Variants in TCERG1L observed in about 807,000 individuals in gnomAD.
TCERG1L encodes the protein transcription elongation regulator 1-like protein.
TCERG1L carries 37 observed loss-of-function variants against 56.3 expected under a neutral mutation model. The observed-to-expected ratio is 0.66, with a 90% confidence interval of 0.51 to 0.87. The LOEUF (loss-of-function observed/expected upper bound fraction) is 0.87. Among genes scored for constraint, TCERG1L ranks in the 40% least tolerant of loss-of-function variants. TCERG1L has a pLI of 0.00. For synonymous variants in TCERG1L, 324 were observed against 326.3 expected, an observed-to-expected ratio of 0.99 and a Z score of 0.08; for missense variants, 799 against 774.2, an observed-to-expected ratio of 1.03 and a Z score of -0.38.
intron 4 of TCERG1L, among the ~76,000 whole-genome samples, chr10:131,196,464 A>G (rs1298635646): frequency 6.6e-6 from 1 of 152,220 alleles, no homozygotes; most frequent in Non-Finnish European, 1.5e-5. Context: ...CCACGCTGAC[A>G]CTCACAGCCA....
intron 4 of TCERG1L, among the ~76,000 whole-genome samples, chr10:131,249,581 T>C (rs893931116): frequency 2.6e-5 from 4 of 152,210 alleles, no homozygotes; most frequent in African/African-American, 9.6e-5. Flanking sequence ...GTTTCTTTCT[T>C]TTTTGTTGTA....
chr10:131,296,328 A>C (rs1846689685), intron 3 of TCERG1L, among the ~76,000 whole-genome samples: 1 of 152,224 alleles, frequency 6.6e-6, no homozygotes, highest in African/African-American at 2.4e-5. Context: ...GCTTATTTTG[A>C]AGACAGACAG....
chr10:131,112,917 G>A (rs12413687), intron 9 of TCERG1L, among the ~76,000 whole-genome samples: 1 of 142,192 alleles, frequency 7.0e-6, no homozygotes, highest in Non-Finnish European at 1.6e-5. Context: ...GGTCGCCCTT[G>A]GGGTGTTCAA....
At chr10:131,105,641 G>A (rs1399283272) in intron 9 of TCERG1L, among the ~76,000 whole-genome samples, 2 of 152,066 alleles carry the variant, frequency 1.3e-5, no homozygotes, top group Non-Finnish European at 2.9e-5. Flanking sequence ...TATTTATATT[G>A]CTATGGACTC....
At chr10:131,133,828 G>A (rs1160558545) in intron 8 of TCERG1L, among the ~76,000 whole-genome samples, 1 of 152,178 alleles carries the variant, frequency 6.6e-6, no homozygotes, top group Non-Finnish European at 1.5e-5. Context: ...CCAGCGACTT[G>A]GAAGGAGAGC....
intron 4 of TCERG1L, among the ~76,000 whole-genome samples, chr10:131,206,098 C>T (rs1414014428): frequency 6.6e-6 from 1 of 152,238 alleles, no homozygotes. Flanking sequence ...TCAGGATTCC[C>T]AGGCGGGAGA....
intron 4 of TCERG1L, among the ~76,000 whole-genome samples, chr10:131,189,437 C>T (rs528349218): frequency 6.6e-6 from 1 of 152,170 alleles, no homozygotes; most frequent in African/African-American, 2.4e-5. Flanking sequence ...GTATCTGACC[C>T]GCAGTGTCTG....
At chr10:131,163,955 C>CG (rs1846004416) in intron 5 of TCERG1L, 1 of 151,968 alleles carries the variant, frequency 6.6e-6, no homozygotes, top group Admixed American at 6.5e-5. Flanking sequence ...TGGTGAAACC[C>CG]CATCTCTACT....
intron 9 of TCERG1L, among the ~76,000 whole-genome samples, chr10:131,111,887 G>T (rs1032543701): frequency 7.0e-6 from 1 of 143,284 alleles, no homozygotes; most frequent in Admixed American, 6.8e-5. Flanking sequence ...ATAAGACACC[G>T]GCAGCCGAAA....
At chr10:131,290,942 G>A (rs970203721) in intron 3 of TCERG1L, among the ~76,000 whole-genome samples, 6 of 152,162 alleles carry the variant, frequency 3.9e-5, no homozygotes, top group African/African-American at 1.2e-4. Context: ...TGCTGCAGGC[G>A]TGGCCCGTTG....
chr10:131,152,745 T>C (rs1248844182), intron 6 of TCERG1L, among the ~76,000 whole-genome samples: 1 of 152,216 alleles, frequency 6.6e-6, no homozygotes, highest in Admixed American at 6.5e-5. Context: ...CTGGGTAATT[T>C]ATAATGAAGA....
intron 4 of TCERG1L, among the ~76,000 whole-genome samples, chr10:131,252,891 T>C (rs943197460): frequency 2.0e-5 from 3 of 152,132 alleles, no homozygotes; most frequent in Non-Finnish European, 4.4e-5. Context: ...GGTGACTCCT[T>C]CCTCCCTGAT....
chr10:131,185,747 G>A (rs1845234116), intron 4 of TCERG1L, among the ~76,000 whole-genome samples: 1 of 152,038 alleles, frequency 6.6e-6, no homozygotes, highest in African/African-American at 2.4e-5. Context: ...AACAAGTATT[G>A]AGAGTACAGT....
intron 4 of TCERG1L, among the ~76,000 whole-genome samples, chr10:131,233,946 G>C (rs1048626035): frequency 5.3e-5 from 8 of 152,174 alleles, no homozygotes; most frequent in Non-Finnish European, 1.5e-5. Flanking sequence ...TCCGTAGAGA[G>C]TGGCTTGTTA....
intron 9 of TCERG1L, among the ~76,000 whole-genome samples, chr10:131,113,193 C>G (rs1321120475): frequency 7.0e-6 from 1 of 142,962 alleles, no homozygotes; most frequent in Admixed American, 6.9e-5. Context: ...ACAATATAGC[C>G]AGCTGATTTC....
intron 6 of TCERG1L, chr10:131,162,901 C>T: frequency 2.4e-6 from 1 of 421,470 alleles, no homozygotes; most frequent in Non-Finnish European, 4.2e-6. Flanking sequence ...TATATATTCA[C>T]AGACAGATCA....
chr10:131,104,891 G>T (rs573320918), intron 9 of TCERG1L, among the ~76,000 whole-genome samples: 1 of 152,224 alleles, frequency 6.6e-6, no homozygotes, highest in Non-Finnish European at 1.5e-5. Context: ...AGTTTCTCAC[G>T]TCGTTAACAT....
chr10:131,292,192 G>C (rs1290852972), intron 3 of TCERG1L, among the ~76,000 whole-genome samples: 1 of 152,142 alleles, frequency 6.6e-6, no homozygotes, highest in Non-Finnish European at 1.5e-5. Context: ...GTAACAGTGT[G>C]GCGTTTTTTA....
At chr10:131,293,522 G>A (rs910286614) in intron 3 of TCERG1L, among the ~76,000 whole-genome samples, 30 of 151,082 alleles carry the variant, frequency 2.0e-4, no homozygotes, top group Admixed American at 1.5e-3. Context: ...ACCCCCCTCC[G>A]GCTGGGAAGA....
Sources: gnomAD v4.1 joint callset for allele counts (sites outside exome capture counted in the v4.1 genomes callset) on GRCh38, gnomAD v4.1.1 for gene constraint, MANE v1.5 for transcripts, NCBI Gene and HGNC (gene_info 2026-07-23, HGNC 2026-07-21) for gene names.